EYS: variants seen among roughly 807,000 people sequenced by gnomAD.
EYS encodes protein eyes shut homolog.
EYS carries 250 observed loss-of-function variants against 282.1 expected under a neutral mutation model. The ratio of observed to expected loss-of-function variants is 0.89; its 90% CI spans 0.80 to 0.98. EYS has a LOEUF of 0.98. EYS is among the 50% of genes least tolerant of loss of function. EYS has a pLI of 0.00. For synonymous variants in EYS, 1,355 were observed against 1,282.9 expected (o/e 1.06, Z -1.20); for missense variants, 4,016 against 3,709.0 (o/e 1.08, Z -2.15).
chr6:63,731,536 AT>A (rs1768780597), intron 41 of EYS, among the ~76,000 whole-genome samples: 1 of 152,110 alleles, frequency 6.6e-6, no homozygotes, highest in Non-Finnish European at 1.5e-5. Flanking sequence ...GTCTTTTACA[AT>A]TTACTTGTTT....
chr6:65,573,715 A>G (rs1461490179), intron 2 of EYS, among the ~76,000 whole-genome samples: 1 of 152,206 alleles, frequency 6.6e-6, no homozygotes, highest in African/African-American at 2.4e-5. Flanking sequence ...CATAGGCTCC[A>G]GGGCCAAATT....
chr6:65,053,602 T>C (rs1773335899), intron 13 of EYS, among the ~76,000 whole-genome samples: 1 of 151,778 alleles, frequency 6.6e-6, no homozygotes, highest in Non-Finnish European at 1.5e-5. Flanking sequence ...TAGGTTATAG[T>C]TTGATCATTT....
At chr6:64,707,663 CAAAA>C (rs59172308) in intron 22 of EYS, among the ~76,000 whole-genome samples, 15 of 100,960 alleles carry the variant, frequency 1.5e-4, no homozygotes, top group South Asian at 1.0e-3. Flanking sequence ...AGACTCGTAT[CAAAA>C]AAAAAAAAAA....
chr6:65,586,233 G>T (rs994154373), intron 2 of EYS, among the ~76,000 whole-genome samples: 17 of 152,084 alleles, frequency 1.1e-4, no homozygotes, highest in African/African-American at 4.1e-4. Context: ...GCTTTTAACT[G>T]AACAGAAGGA....
intron 12 of EYS, among the ~76,000 whole-genome samples, chr6:65,071,140 T>C (rs1414282480): frequency 1.3e-5 from 2 of 151,802 alleles, no homozygotes; most frequent in African/African-American, 4.8e-5. Flanking sequence ...AGGAATGTAT[T>C]TAAAATGGAT....
chr6:65,016,860 T>A (rs1772072954), intron 13 of EYS, among the ~76,000 whole-genome samples: 1 of 152,182 alleles, frequency 6.6e-6, no homozygotes, highest in East Asian at 1.9e-4. Context: ...AGACAGTCCT[T>A]TTTACTAAAC....
intron 21 of EYS, among the ~76,000 whole-genome samples, chr6:64,817,540 G>A (rs72648373): frequency 6.6e-6 from 1 of 151,978 alleles, no homozygotes. Context: ...TTGTTACACG[G>A]GTGTATTGCA....
intron 5 of EYS, among the ~76,000 whole-genome samples, chr6:65,462,616 C>T (rs1304083787): frequency 2.0e-5 from 3 of 152,000 alleles, no homozygotes; most frequent in East Asian, 1.9e-4. Context: ...CTACAAGATA[C>T]AAGCAACTGT....
At chr6:64,696,593 A>G (rs1770590048) in intron 22 of EYS, among the ~76,000 whole-genome samples, 1 of 152,164 alleles carries the variant, frequency 6.6e-6, no homozygotes, top group Non-Finnish European at 1.5e-5. Context: ...AAAATTTCTA[A>G]AACCAGAAAG....
chr6:64,697,455 C>T (rs933087034), intron 22 of EYS, among the ~76,000 whole-genome samples: 14 of 152,108 alleles, frequency 9.2e-5, no homozygotes, highest in Non-Finnish European at 1.5e-5. Flanking sequence ...TTCAATACCC[C>T]ACTCATAGCA....
At chr6:64,622,336 T>C (rs1767471663) in intron 23 of EYS, among the ~76,000 whole-genome samples, 1 of 152,092 alleles carries the variant, frequency 6.6e-6, no homozygotes, top group African/African-American at 2.4e-5. Context: ...ACTTTTTCAA[T>C]ATGTGCTGAA....
intron 14 of EYS, among the ~76,000 whole-genome samples, chr6:64,985,972 G>A (rs772612345): frequency 1.3e-4 from 19 of 151,450 alleles, no homozygotes; most frequent in Non-Finnish European, 2.1e-4. Flanking sequence ...GCTACGTTCT[G>A]TCACAGCTCT....
chr6:65,435,639 G>GA (rs1287344088), intron 5 of EYS, among the ~76,000 whole-genome samples: 8 of 151,922 alleles, frequency 5.3e-5, no homozygotes, highest in African/African-American at 1.5e-4. Context: ...ATCTCTAAAT[G>GA]AAAAAAACCT....
chr6:65,343,865 T>C (rs983526085), intron 10 of EYS, among the ~76,000 whole-genome samples, 173 bp downstream of exon 10: 5 of 151,564 alleles, frequency 3.3e-5, no homozygotes, highest in African/African-American at 1.2e-4. Flanking sequence ...GACGTAAATA[T>C]AAATTTCCAA....
At chr6:63,830,612 G>A (rs1015922355) in intron 36 of EYS, among the ~76,000 whole-genome samples, 7 of 152,118 alleles carry the variant, frequency 4.6e-5, no homozygotes, top group African/African-American at 9.7e-5. Flanking sequence ...AAAGTGATGG[G>A]GAGAATGGAA....
chr6:64,696,815 G>A (rs1770598672), intron 22 of EYS, among the ~76,000 whole-genome samples: 2 of 152,102 alleles, frequency 1.3e-5, no homozygotes, highest in Non-Finnish European at 1.5e-5. Context: ...GTCACCATGA[G>A]ACTGGTCCTA....
chr6:65,650,955 G>T (rs1767630530), intron 1 of EYS, among the ~76,000 whole-genome samples: 1 of 152,070 alleles, frequency 6.6e-6, no homozygotes, highest in African/African-American at 2.4e-5. Flanking sequence ...ACATTAGTTT[G>T]CTTCAGAGAG....
intron 33 of EYS, among the ~76,000 whole-genome samples, chr6:64,005,353 C>A (rs1768295726): frequency 6.6e-6 from 1 of 152,074 alleles, no homozygotes; most frequent in Admixed American, 6.6e-5. Flanking sequence ...AAGTTCCTTA[C>A]TGAATCTGTA....
chr6:65,432,716 A>T (rs1767931169), intron 5 of EYS, among the ~76,000 whole-genome samples: 1 of 152,160 alleles, frequency 6.6e-6, no homozygotes, highest in South Asian at 2.1e-4. Context: ...GGGATTTAGC[A>T]AACTGACATG....
Sources: allele counts gnomAD v4.1 joint callset (sites outside exome capture counted in the v4.1 genomes callset), GRCh38; gene constraint gnomAD v4.1.1; transcripts MANE v1.5; gene names NCBI Gene and HGNC (gene_info 2026-07-23, HGNC 2026-07-21).